The following PAM variants were observed in gnomAD, a reference collection of about 807,000 sequenced individuals.
PAM encodes peptidylglycine alpha-amidating monooxygenase.
In PAM, 72 loss-of-function variants were observed where a neutral mutation model predicts 122.1. That is an observed-to-expected ratio of 0.59 (90% CI 0.49 to 0.72). The LOEUF is 0.72. Ranked by LOEUF, PAM falls within the 30% of genes least tolerant of loss-of-function variation. PAM has a pLI of 0.00. For synonymous variants in PAM, 389 were observed against 404.4 expected, an observed-to-expected ratio of 0.96 and a Z score of 0.46; for missense variants, 1,106 against 1,183.7, an observed-to-expected ratio of 0.93 and a Z score of 0.96.
intron 1 of PAM, among the ~76,000 whole-genome samples, chr5:102,756,776 TC>T (rs1750482439): frequency 6.6e-6 from 1 of 151,788 alleles, no homozygotes; most frequent in South Asian, 2.1e-4. Flanking sequence ...AAATAAATAA[TC>T]AGCTTTAGAA....
rs766017592 is a variant in PAM, at chr5:103,028,255, T to C, written c.2743+17T>C. The C allele has an allele frequency of 1.2e-5, 18 of 1,558,898 alleles. 1 individual carries two copies. The highest frequency in any genetic ancestry group is 1.7e-4 in the Middle Eastern group (1 of 5,980). ...GATTTAGAGGTATGCCTATGACCTT[T>C]TAGAACCCTTCATGTTTGGTTCAAA... is the stretch of plus-strand genomic sequence containing the variant. On this transcript the variant is annotated intron_variant, in intron 25 of 25. Transcript: ENST00000438793.
At chr5:103,016,588 A>G (rs1408062852) in intron 21 of PAM, among the ~76,000 whole-genome samples, 9 of 152,192 alleles carry the variant, frequency 5.9e-5, no homozygotes, top group Non-Finnish European at 1.0e-4. Context: ...TCACAAAAGG[A>G]TCTCCCCTGT....
rs754530613 is a variant in PAM, at chr5:102,974,430, A to G, written c.1477A>G (p.Thr493Ala). 6.8e-6 allele frequency: 11 copies of G among 1,609,208 alleles called. No individual in the cohort carries two copies. In the South Asian group the frequency reaches 1.1e-4, roughly 16 times the overall value. Residue 493 changes from threonine to alanine, a missense_variant, in exon 15 of 26, where the codon ACA becomes GCA. This residue lies in a region of PAM where 670 missense variants were observed against 690.3 expected (regional missense o/e 0.97). Transcript: ENST00000438793. ...PGEGTWEPEH[T>A]GDFHMEEALD... is the part of the protein sequence containing the mutation. ...TGAAGGCACCTGGGAACCAGAACACACAGGAGGTGCGTGTAGGGTTTCTTT... is the reference window on the plus strand; with the variant it reads ...TGAAGGCACCTGGGAACCAGAACACGCAGGAGGTGCGTGTAGGGTTTCTTT...
At chr5:102,777,624 C>A (rs967810591) in intron 1 of PAM, among the ~76,000 whole-genome samples, 2 of 152,066 alleles carry the variant, frequency 1.3e-5, no homozygotes, top group Admixed American at 6.5e-5. Flanking sequence ...CAGAAGGAAT[C>A]TGTAGGTAAA....
Position 102,757,209 on chromosome 5 carries a change from C to T in PAM, c.-374+1861C>T, listed in dbSNP as rs1331348228. On this transcript the variant is annotated intron_variant, in intron 1 of 25. Coordinates refer to ENST00000438793, the MANE Select transcript of PAM (RefSeq NM_001177306.2). ...GGGCATAGTGGCAGGCACCTGTAATCCCAGCTACTTGGGAGACTGAGGCAG... is the reference window on the plus strand; with the variant it reads ...GGGCATAGTGGCAGGCACCTGTAATTCCAGCTACTTGGGAGACTGAGGCAG... Among the ~76,000 whole-genome samples the T allele has an allele frequency of 2.0e-5, 3 of 152,248 alleles. No homozygotes were observed. In the South Asian group the frequency reaches 6.2e-4, roughly 32 times the overall value.
At chr5:102,778,801 G>A (rs1757845477) in intron 1 of PAM, among the ~76,000 whole-genome samples, 2 of 152,132 alleles carry the variant, frequency 1.3e-5, no homozygotes, top group South Asian at 4.1e-4. Flanking sequence ...TCAGTTTGTA[G>A]TTGTCGTGGT....
At chr5:102,932,083 T>C (rs1751730456) in intron 7 of PAM, among the ~76,000 whole-genome samples, 1 of 152,208 alleles carries the variant, frequency 6.6e-6, no homozygotes, top group Non-Finnish European at 1.5e-5. Context: ...CATAAAGCTC[T>C]AGTTAGAACA....
chr5:102,779,547 A>T (rs1228336658), intron 1 of PAM, among the ~76,000 whole-genome samples: 1 of 152,048 alleles, frequency 6.6e-6, no homozygotes, highest in Non-Finnish European at 1.5e-5. Flanking sequence ...GAACTGAAGG[A>T]TGCAAAGTAT....
At chr5:102,780,038 A>G (rs971752789) in intron 1 of PAM, among the ~76,000 whole-genome samples, 1 of 151,588 alleles carries the variant, frequency 6.6e-6, no homozygotes, top group African/African-American at 2.4e-5. Flanking sequence ...CAAATAATTT[A>G]TAAGTTTTTA....
intron 21 of PAM, among the ~76,000 whole-genome samples, chr5:103,013,562 CTG>C (rs1489609652): frequency 2.0e-5 from 3 of 152,024 alleles, no homozygotes; most frequent in East Asian, 3.9e-4. Flanking sequence ...TTTTTCTTGT[CTG>C]ATTGCTCTAG....
At chr5:102,942,586 A>ATT (rs556042211) in intron 7 of PAM, among the ~76,000 whole-genome samples, 143 of 145,864 alleles carry the variant, frequency 9.8e-4, no homozygotes, top group African/African-American at 3.3e-3. Context: ...AATTTTCTAA[A>ATT]TTTTTTTTTT....
At chr5:103,006,493 G>A (rs1328916198) in intron 18 of PAM, among the ~76,000 whole-genome samples, 7 of 152,082 alleles carry the variant, frequency 4.6e-5, no homozygotes, top group Non-Finnish European at 7.4e-5. Context: ...TATTATCTAA[G>A]GAAAGACAAA....
chr5:102,942,023 A>C (rs1755421711), intron 7 of PAM, among the ~76,000 whole-genome samples: 1 of 152,006 alleles, frequency 6.6e-6, no homozygotes, highest in African/African-American at 2.4e-5. Flanking sequence ...AGTTGCACAG[A>C]AATGACCTTT....
chr5:102,947,020 C>T (rs939670259), intron 8 of PAM, 135 bp downstream of exon 8: 20 of 695,660 alleles, frequency 2.9e-5, no homozygotes, highest in African/African-American at 2.3e-4. Context: ...TATGTATTGT[C>T]TCATTTTCCT....
chr5:102,917,538 G>T (rs1745853183), intron 5 of PAM, among the ~76,000 whole-genome samples: 1 of 152,162 alleles, frequency 6.6e-6, no homozygotes, highest in Non-Finnish European at 1.5e-5. Flanking sequence ...AAGGAAAGAA[G>T]AAAAAGCTAT....
At chr5:103,001,082 CA>C (rs1391915908) in intron 16 of PAM, among the ~76,000 whole-genome samples, 3 of 152,136 alleles carry the variant, frequency 2.0e-5, no homozygotes, top group Non-Finnish European at 4.4e-5. Context: ...TAACCTATTA[CA>C]TATGAATGTG....
intron 1 of PAM, among the ~76,000 whole-genome samples, chr5:102,805,901 A>C (rs1481172488): frequency 6.6e-6 from 1 of 152,248 alleles, no homozygotes; most frequent in South Asian, 2.1e-4. Flanking sequence ...AACAGGCCAC[A>C]TAATCTGGCC....
intron 1 of PAM, among the ~76,000 whole-genome samples, chr5:102,824,528 A>G (rs1021432116): frequency 6.6e-6 from 1 of 152,198 alleles, no homozygotes; most frequent in Non-Finnish European, 1.5e-5. Flanking sequence ...CACTTACACT[A>G]TATTTGATAG....
intron 1 of PAM, among the ~76,000 whole-genome samples, chr5:102,778,622 G>T (rs1020042854): frequency 1.3e-5 from 2 of 152,130 alleles, no homozygotes; most frequent in Admixed American, 1.3e-4. Context: ...GTGGCATTTT[G>T]TTCCAGAGGA....
Sources: gnomAD v4.1 joint callset for allele counts (sites outside exome capture counted in the v4.1 genomes callset) on GRCh38, gnomAD v4.1.1 for gene constraint, gnomAD v4.1.1 regional missense constraint, MANE v1.5 for transcripts, NCBI Gene and HGNC (gene_info 2026-07-23, HGNC 2026-07-21) for gene names.